The following NSF variants were observed in gnomAD, a reference collection of about 807,000 sequenced individuals.
NSF encodes N-ethylmaleimide sensitive factor, vesicle fusing ATPase.
In NSF, 14 loss-of-function variants were observed where a neutral mutation model predicts 50.3. The observed-to-expected ratio is 0.28, with a 90% CI of 0.18 to 0.44. The LOEUF (loss-of-function observed/expected upper bound fraction) is 0.44, where lower values mean the gene tolerates loss of function less well. Among genes scored for constraint, NSF ranks in the 20% least tolerant of loss-of-function variants. The probability of loss-of-function intolerance (pLI) is 1.00; values close to 1 mark genes in which losing one functional copy is unlikely to be tolerated. For missense variants in NSF, 218 were observed against 504.3 expected (o/e 0.43, Z 5.44); for synonymous variants, 109 against 175.7 (o/e 0.62, Z 3.00).
intron 17 of NSF, among the ~76,000 whole-genome samples, chr17:46,745,882 A>C (rs1443023492): frequency 2.0e-5 from 3 of 152,164 alleles, no homozygotes; most frequent in Non-Finnish European, 4.4e-5. Context: ...TAATTACCTC[A>C]ACACCCAGCT....
chr17:46,662,918 A>AC (rs2058318001), intron 8 of NSF, among the ~76,000 whole-genome samples: 1 of 144,330 alleles, frequency 6.9e-6, no homozygotes, highest in Non-Finnish European at 1.6e-5. Flanking sequence ...AATTGTGCTA[A>AC]CATTTTTGAC....
At chr17:46,720,939 C>T (rs1310275542) in intron 15 of NSF, among the ~76,000 whole-genome samples, 1 of 152,176 alleles carries the variant, frequency 6.6e-6, no homozygotes, top group African/African-American at 2.4e-5. Context: ...TGGTGTGCTC[C>T]CATTTGCACT....
chr17:46,722,085 G>A, intron 15 of NSF: 1 of 1,610,902 alleles, frequency 6.2e-7, no homozygotes, highest in Non-Finnish European at 8.5e-7. Flanking sequence ...TCCAGCTCCA[G>A]AAGAGCCTGG....
chr17:46,718,566 A>G lies in NSF; in HGVS notation c.1761+4580A>G, dbSNP rs571605771. ...TATAAAAACAGTATTCCATAGGACT[A>G]CCAAACTAGGGAAATTACTGCCCCC... On this transcript the variant is annotated intron_variant, in intron 15 of 20. Coordinates refer to ENST00000398238, the MANE Select transcript of NSF (RefSeq NM_006178.4). Among the ~76,000 whole-genome samples, 553 of 152,314 alleles carry G rather than the reference A, an allele frequency of 3.6e-3. 3 individuals are homozygous for G. The highest frequency in any genetic ancestry group is 2.2e-3 in the Non-Finnish European group (152 of 68,024).
At position 46,739,370 on chromosome 17, in the gene NSF, C is replaced by CAAAA. The variant is rs1230180574; in HGVS notation, c.1909-10384_1909-10381dup. ...TGGGCAACAGAGCGAGACTCTGTCT[C>CAAAA]AAAAAAAAAAAAAAAAAAAAAAGCC... On this transcript the variant is annotated intron_variant, in intron 17 of 20. Coordinates refer to ENST00000398238, the MANE Select transcript of NSF (RefSeq NM_006178.4). 6.4e-4 allele frequency among the ~76,000 whole-genome samples: 34 copies of CAAAA among 53,134 alleles called. 1 individual carries two copies. Among genetic ancestry groups the CAAAA allele is most frequent in the East Asian group, 3.6e-3 (5 of 1,396 alleles). The allele number at this position is 53,134 out of a possible 152,430, so 34.9% of individuals were successfully genotyped here.
intron 17 of NSF, among the ~76,000 whole-genome samples, chr17:46,738,688 C>T (rs1462165297): frequency 6.6e-6 from 1 of 152,176 alleles, no homozygotes; most frequent in Non-Finnish European, 1.5e-5. Context: ...CTTGCAGAAT[C>T]CAAGTGAGTT....
chr17:46,742,032 G>A (rs1391188162), intron 17 of NSF, among the ~76,000 whole-genome samples: 1 of 152,176 alleles, frequency 6.6e-6, no homozygotes, highest in Non-Finnish European at 1.5e-5. Context: ...GAGATTATAG[G>A]TGTGAGCCAC....
At chr17:46,752,446 A>G (rs2059190427) in intron 19 of NSF, among the ~76,000 whole-genome samples, 1 of 152,012 alleles carries the variant, frequency 6.6e-6, no homozygotes, top group Non-Finnish European at 1.5e-5. Flanking sequence ...GGTGCTCAGT[A>G]AACTTTTATT....
At chr17:46,731,655 TTATC>T (rs1219301196) in intron 17 of NSF, among the ~76,000 whole-genome samples, 1 of 152,008 alleles carries the variant, frequency 6.6e-6, no homozygotes, top group African/African-American at 2.4e-5. Flanking sequence ...TGGAGTGAAT[TTATC>T]TAAGGACTGA....
At chr17:46,610,007 C>CTCTCTT (rs2057994473) in intron 1 of NSF, among the ~76,000 whole-genome samples, 2 of 116,972 alleles carry the variant, frequency 1.7e-5, no homozygotes, top group Non-Finnish European at 3.8e-5. Context: ...CTTTCTTTCT[C>CTCTCTT]TCTTTCTTTC....
chr17:46,609,852 G>A lies in NSF; in HGVS notation c.13-14392G>A, dbSNP rs1247657177. On this transcript the variant is annotated intron_variant, in intron 1 of 20. Coordinates refer to ENST00000398238, the MANE Select transcript of NSF (RefSeq NM_006178.4). ...CTTTTTTTTTTTTTTTTGAGATAGG[G>A]TATCACTTTGTCACCCAGTCTGGAA... is the stretch of plus-strand genomic sequence containing the variant. 2.7e-4 allele frequency among the ~76,000 whole-genome samples: 37 copies of A among 139,326 alleles called. 4 individuals are homozygous for A. The highest frequency in any genetic ancestry group is 5.0e-4 in the Non-Finnish European group (31 of 62,102). The allele number at this position is 139,326 out of a possible 152,430, so 91.4% of individuals were successfully genotyped here.
intron 9 of NSF, among the ~76,000 whole-genome samples, chr17:46,685,185 T>C (rs1263567592): frequency 6.8e-6 from 1 of 146,988 alleles, no homozygotes; most frequent in African/African-American, 2.5e-5. Flanking sequence ...GGAGAAGCAT[T>C]TTATAACATC....
At chr17:46,742,070 C>CA (rs1320239754) in intron 17 of NSF, among the ~76,000 whole-genome samples, 2 of 152,222 alleles carry the variant, frequency 1.3e-5, no homozygotes, top group Admixed American at 6.5e-5. Flanking sequence ...CTTGTTATCT[C>CA]ACTAGCTTAG....
intron 15 of NSF, among the ~76,000 whole-genome samples, chr17:46,714,264 GTTA>G (rs2058746444): frequency 6.6e-6 from 1 of 152,150 alleles, no homozygotes; most frequent in South Asian, 2.1e-4. Flanking sequence ...GATTAAAAGA[GTTA>G]TAGTTGAAAG....
intron 17 of NSF, 95 bp from the exon 18 acceptor site, chr17:46,749,678 A>T: frequency 8.4e-7 from 1 of 1,187,188 alleles, no homozygotes; most frequent in Non-Finnish European, 1.2e-6. Context: ...CGGCAAGATT[A>T]AATAAAAGTC....
intron 17 of NSF, among the ~76,000 whole-genome samples, chr17:46,742,908 T>C (rs946900754): frequency 2.0e-5 from 3 of 151,926 alleles, no homozygotes; most frequent in African/African-American, 7.3e-5. Flanking sequence ...ATATGAAAAA[T>C]TATTCCTATT....
At chr17:46,720,368 G>T (rs1056138006) in intron 15 of NSF, among the ~76,000 whole-genome samples, 1 of 152,062 alleles carries the variant, frequency 6.6e-6, no homozygotes, top group African/African-American at 2.4e-5. Flanking sequence ...CAGACCTTGT[G>T]ACTTTTTATA....
At chr17:46,748,891 G>A (rs2059156052) in intron 17 of NSF, among the ~76,000 whole-genome samples, 1 of 152,160 alleles carries the variant, frequency 6.6e-6, no homozygotes, top group African/African-American at 2.4e-5. Flanking sequence ...TACTCTGCAT[G>A]GCCTAGCTGT....
chr17:46,734,912 G>A (rs1300569022), intron 17 of NSF, among the ~76,000 whole-genome samples: 2 of 152,090 alleles, frequency 1.3e-5, no homozygotes, highest in South Asian at 2.1e-4. Context: ...TTAGTCGAAT[G>A]TGGTGGTGAG....
Sources: allele counts gnomAD v4.1 joint callset (sites outside exome capture counted in the v4.1 genomes callset), GRCh38; gene constraint gnomAD v4.1.1; transcripts MANE v1.5; gene names NCBI Gene and HGNC (gene_info 2026-07-23, HGNC 2026-07-21).